Variants in PDZD8 observed in about 807,000 individuals in gnomAD.
PDZD8 encodes PDZ domain containing 8, also known as PDZ domain-containing protein 8.
In PDZD8, 14 loss-of-function variants were observed where a neutral mutation model predicts 85.8. The ratio of observed to expected loss-of-function variants is 0.16; its 90% CI spans 0.11 to 0.26. The LOEUF (loss-of-function observed/expected upper bound fraction) is 0.26. Among genes scored for constraint, PDZD8 ranks in the 10% least tolerant of loss-of-function variants. The pLI is 1.00. For synonymous variants in PDZD8, 592 were observed against 568.6 expected (o/e 1.04, Z -0.59); for missense variants, 1,197 against 1,424.3 (o/e 0.84, Z 2.57).
intron 3 of PDZD8, among the ~76,000 whole-genome samples, chr10:117,300,066 C>CT (rs1430195740): frequency 1.3e-5 from 2 of 151,990 alleles, no homozygotes; most frequent in Admixed American, 1.3e-4. Context: ...TGAGAAACCC[C>CT]CCCCATGTCA....
intron 1 of PDZD8, among the ~76,000 whole-genome samples, chr10:117,364,609 T>C (rs958343008): frequency 2.0e-5 from 3 of 152,006 alleles, no homozygotes; most frequent in Non-Finnish European, 2.9e-5. Flanking sequence ...CTAAAAAATG[T>C]TGGAGTGAGC....
chr10:117,328,559 G>A (rs1844357963), intron 2 of PDZD8, among the ~76,000 whole-genome samples: 1 of 151,940 alleles, frequency 6.6e-6, no homozygotes, highest in Non-Finnish European at 1.5e-5. Context: ...CTACAGGCAC[G>A]AGCCACCATG....
chr10:117,372,844 A>T (rs1030113393), intron 1 of PDZD8, among the ~76,000 whole-genome samples: 2 of 152,230 alleles, frequency 1.3e-5, no homozygotes, highest in African/African-American at 4.8e-5. Context: ...ATAATTGGTA[A>T]GGTACATCTG....
chr10:117,332,421 AT>A (rs1489391759), intron 2 of PDZD8, among the ~76,000 whole-genome samples: 1 of 152,122 alleles, frequency 6.6e-6, no homozygotes, highest in Non-Finnish European at 1.5e-5. Flanking sequence ...GCCCTAAAAA[AT>A]GTTACAATTT....
chr10:117,299,701 G>A (rs1181833223), intron 3 of PDZD8, among the ~76,000 whole-genome samples: 1 of 151,836 alleles, frequency 6.6e-6, no homozygotes, highest in African/African-American at 2.4e-5. Context: ...TATTTCTCTG[G>A]AGAATTTTTC....
intron 1 of PDZD8, among the ~76,000 whole-genome samples, chr10:117,352,683 G>A (rs1799250328): frequency 6.6e-6 from 1 of 152,144 alleles, no homozygotes; most frequent in South Asian, 2.1e-4. Flanking sequence ...TCATATGCCA[G>A]CATCTCTTAA....
At chr10:117,295,764 C>T (rs1385979761) in intron 3 of PDZD8, among the ~76,000 whole-genome samples, 1 of 152,074 alleles carries the variant, frequency 6.6e-6, no homozygotes, top group African/African-American at 2.4e-5. Flanking sequence ...TATTTCAATA[C>T]TGCAAAAAAA....
intron 3 of PDZD8, among the ~76,000 whole-genome samples, chr10:117,299,597 G>A (rs889072469): frequency 6.6e-6 from 1 of 151,952 alleles, no homozygotes; most frequent in Non-Finnish European, 1.5e-5. Flanking sequence ...TCTACTTATT[G>A]TAGTCTGTTG....
chr10:117,286,527 T>C (rs990041133), intron 4 of PDZD8, among the ~76,000 whole-genome samples: 4 of 152,228 alleles, frequency 2.6e-5, no homozygotes, highest in Admixed American at 2.0e-4. Flanking sequence ...ACTTCAGCTG[T>C]CTGGGAAGAT....
In PDZD8 at chr10:117,318,902, C is replaced by G. The variant is rs1012314663; in HGVS notation, c.1068G>C (p.Trp356Cys). 6.8e-6 allele frequency: 11 copies of G among 1,610,704 alleles called. No individual in the cohort carries two copies. The highest frequency in any genetic ancestry group is 2.7e-5 in the African/African-American group (2 of 74,778). ...TAATAGAACTCCTCTGTTTTTCTTC[C>G]CAAACACTACTGCTTAACTCAAGTG... ...HCTLELSSSV[W>C]EEKQRSSIKT... Residue 356 changes from tryptophan (W) to cysteine (C), a missense_variant, in exon 3 of 5, where the codon TGG (tryptophan) becomes TGC (cysteine). Trp to Cys is a radical substitution (Grantham distance 215). Transcript: ENST00000334464.
rs1465987683 is a variant in PDZD8, at chr10:117,298,372, G to A, written c.1099-8024C>T. ...GCTTTTAAACTCTTTGTTTTTAGTC[G>A]TTTTGGGGGTTACCTTTTTTCTCTA... On this transcript the variant is annotated intron_variant, in intron 3 of 4. Transcript: ENST00000334464. 3.9e-5 allele frequency among the ~76,000 whole-genome samples: 6 copies of A among 151,970 alleles called. 1 individual carries two copies. The highest frequency in any genetic ancestry group is 2.1e-4 in the South Asian group (1 of 4,824).
At position 117,288,667 on chromosome 10, in the gene PDZD8, C is replaced by A. The variant is rs528225831; in HGVS notation, c.1261+1519G>T. On this transcript the variant is annotated intron_variant, in intron 4 of 4. Coordinates refer to ENST00000334464, the MANE Select transcript of PDZD8 (RefSeq NM_173791.5). ...GGGATTACAGGCGCCTGCCACCATG[C>A]CCAGCTAATTTTCATATTTTCAGTA... Among the ~76,000 whole-genome samples, 499 of 152,240 alleles carry A rather than the reference C, an allele frequency of 3.3e-3. 3 individuals carry two copies. The highest frequency in any genetic ancestry group is 4.1e-3 in the Non-Finnish European group (276 of 68,028).
chr10:117,349,802 CAAAAATAA>C (rs1340966830), intron 1 of PDZD8, among the ~76,000 whole-genome samples: 11 of 150,132 alleles, frequency 7.3e-5, no homozygotes, highest in East Asian at 3.9e-4. Flanking sequence ...GACCCACTCT[CAAAAATAA>C]AAAAATAAAA....
chr10:117,371,334 G>GC (rs1056088257), intron 1 of PDZD8, among the ~76,000 whole-genome samples: 8 of 151,976 alleles, frequency 5.3e-5, no homozygotes, highest in African/African-American at 1.7e-4. Context: ...ACAGGCGCCC[G>GC]CCACCACGCC....
chr10:117,295,831 G>A (rs764409112), intron 3 of PDZD8, among the ~76,000 whole-genome samples: 1 of 152,000 alleles, frequency 6.6e-6, no homozygotes, highest in Non-Finnish European at 1.5e-5. Flanking sequence ...AGAAGTATAA[G>A]AGAACTTCCT....
intron 3 of PDZD8, among the ~76,000 whole-genome samples, chr10:117,298,596 C>T (rs973857067): frequency 3.3e-5 from 5 of 152,100 alleles, no homozygotes; most frequent in African/African-American, 4.8e-5. Flanking sequence ...TTATCAACTA[C>T]AGACAATATA....
chr10:117,303,201 G>A (rs1395849995), intron 3 of PDZD8, among the ~76,000 whole-genome samples: 1 of 152,200 alleles, frequency 6.6e-6, no homozygotes, highest in Non-Finnish European at 1.5e-5. Flanking sequence ...GGACAATAAG[G>A]TCCAGGCTGA....
chr10:117,334,310 T>C (rs1374152058), intron 2 of PDZD8, among the ~76,000 whole-genome samples: 1 of 152,144 alleles, frequency 6.6e-6, no homozygotes, highest in African/African-American at 2.4e-5. Context: ...AGTTTATGAC[T>C]AGCCTAAGCA....
intron 4 of PDZD8, among the ~76,000 whole-genome samples, chr10:117,289,017 T>C (rs1844713672): frequency 6.6e-6 from 1 of 152,248 alleles, no homozygotes; most frequent in Non-Finnish European, 1.5e-5. Context: ...ATTAATATAA[T>C]GAATGATGTC....
Sources: allele counts gnomAD v4.1 joint callset (sites outside exome capture counted in the v4.1 genomes callset), GRCh38; gene constraint gnomAD v4.1.1; transcripts MANE v1.5; gene names NCBI Gene and HGNC (gene_info 2026-07-23, HGNC 2026-07-21).